The following SNTB2 variants were observed in gnomAD, a reference collection of about 807,000 sequenced individuals.
SNTB2 encodes the protein beta-2-syntrophin.
Under a neutral mutation model 46.2 loss-of-function variants are expected in SNTB2, and 34 were observed. The ratio of observed to expected loss-of-function variants is 0.74; its 90% CI spans 0.56 to 0.98. The LOEUF (loss-of-function observed/expected upper bound fraction) is 0.98, where lower values mean the gene tolerates loss of function less well. Among genes scored for constraint, SNTB2 ranks in the 50% least tolerant of loss-of-function variants. The pLI is 0.00. For synonymous variants in SNTB2, 290 were observed against 312.6 expected (o/e 0.93, Z 0.76); for missense variants, 603 against 731.4 (o/e 0.82, Z 2.02).
chr16:69,276,666 C>G (rs151225647), intron 4 of SNTB2, among the ~76,000 whole-genome samples: 1 of 152,262 alleles, frequency 6.6e-6, no homozygotes, highest in East Asian at 1.9e-4. Flanking sequence ...TCATGGACCT[C>G]TGCGGATCCC....
Position 69,200,324 on chromosome 16 carries a change from A to G in SNTB2, c.580+12578A>G, listed in dbSNP as rs988710815. Among the ~76,000 whole-genome samples, 7 of 152,184 alleles carry G rather than the reference A, an allele frequency of 4.6e-5. No homozygotes were observed. In the East Asian group the frequency reaches 7.7e-4, roughly 17 times the overall value. On this transcript the variant is annotated intron_variant, in intron 1 of 6. Transcript: ENST00000336278. Reference sequence around the variant, plus strand: ...TTTCTTTTACAGAAATGTAATACCTATTTCTTAGCATCAGCACGCTAGTAT... The same window carrying G: ...TTTCTTTTACAGAAATGTAATACCTGTTTCTTAGCATCAGCACGCTAGTAT...
At chr16:69,207,348 G>A (rs879844208) in intron 1 of SNTB2, among the ~76,000 whole-genome samples, 6 of 151,090 alleles carry the variant, frequency 4.0e-5, no homozygotes, top group Admixed American at 1.3e-4. Context: ...TAGAGATGGC[G>A]TTTCACTATA....
At chr16:69,198,719 T>C (rs1325942088) in intron 1 of SNTB2, among the ~76,000 whole-genome samples, 1 of 152,170 alleles carries the variant, frequency 6.6e-6, no homozygotes, top group Non-Finnish European at 1.5e-5. Flanking sequence ...GTTAACTTTG[T>C]GTGACCTTGG....
At chr16:69,187,773 G>GGGGGGGGGGGGGGGGGC in intron 1 of SNTB2, 27 bp downstream of exon 1, 1 of 331,856 alleles carries the variant, frequency 3.0e-6, no homozygotes, top group Non-Finnish European at 5.5e-6. Flanking sequence ...GGGAGGGTGG[G>GGGGGGGGGGGGGGGGGC]CAGGCCGCGG....
At chr16:69,255,485 G>C (rs187739691) in intron 2 of SNTB2, among the ~76,000 whole-genome samples, 149 of 151,820 alleles carry the variant, frequency 9.8e-4, no homozygotes, top group African/African-American at 3.1e-3. Context: ...GCGTGAACCT[G>C]GGAGGCGGAG....
chr16:69,292,948 A>G (rs931654294), intron 5 of SNTB2, among the ~76,000 whole-genome samples: 1 of 152,112 alleles, frequency 6.6e-6, no homozygotes, highest in Non-Finnish European at 1.5e-5. Flanking sequence ...GAATCTGAGA[A>G]GTAGTAGTCA....
intron 1 of SNTB2, among the ~76,000 whole-genome samples, chr16:69,203,753 G>A (rs1964188283): frequency 6.6e-6 from 1 of 151,938 alleles, no homozygotes; most frequent in South Asian, 2.1e-4. Flanking sequence ...TCCATTGCTT[G>A]TTTATTAATA....
intron 5 of SNTB2, among the ~76,000 whole-genome samples, chr16:69,294,973 C>T (rs1965208607): frequency 6.6e-6 from 1 of 151,946 alleles, no homozygotes; most frequent in South Asian, 2.1e-4. Context: ...CACACACTGC[C>T]ATGCCTGGCT....
At chr16:69,224,710 C>T (rs961319134) in intron 1 of SNTB2, among the ~76,000 whole-genome samples, 1 of 152,128 alleles carries the variant, frequency 6.6e-6, no homozygotes, top group African/African-American at 2.4e-5. Context: ...AAAGAGCTGG[C>T]CCTTCTCCTC....
intron 1 of SNTB2, among the ~76,000 whole-genome samples, chr16:69,239,968 T>G (rs976065384): frequency 6.6e-6 from 1 of 152,216 alleles, no homozygotes; most frequent in Non-Finnish European, 1.5e-5. Context: ...AGTTTGTTCC[T>G]TTTTATTTCT....
chr16:69,225,164 G>A (rs1295341643), intron 1 of SNTB2, among the ~76,000 whole-genome samples: 1 of 152,184 alleles, frequency 6.6e-6, no homozygotes, highest in Non-Finnish European at 1.5e-5. Flanking sequence ...AAAGAGAAAA[G>A]AAAATTACCA....
chr16:69,259,932 A>G (rs1367139860), intron 2 of SNTB2, 118 bp from the exon 3 acceptor site: 4 of 815,496 alleles, frequency 4.9e-6, no homozygotes, highest in Non-Finnish European at 8.2e-6. Context: ...TTATTTGAGT[A>G]TACAAATTTA....
At chr16:69,232,661 G>A (rs930367267) in intron 1 of SNTB2, among the ~76,000 whole-genome samples, 37 of 151,122 alleles carry the variant, frequency 2.4e-4, no homozygotes, top group Non-Finnish European at 2.9e-4. Context: ...ACAGGCGTGC[G>A]CCAACACACC....
At chr16:69,247,924 C>G (rs915560521) in intron 2 of SNTB2, among the ~76,000 whole-genome samples, 1 of 152,072 alleles carries the variant, frequency 6.6e-6, no homozygotes, top group Non-Finnish European at 1.5e-5. Flanking sequence ...TTAAGACCAA[C>G]TTGGGCAACA....
At chr16:69,256,918 C>A (rs1435411758) in intron 2 of SNTB2, among the ~76,000 whole-genome samples, 1 of 152,150 alleles carries the variant, frequency 6.6e-6, no homozygotes, top group East Asian at 1.9e-4. Context: ...GCCTGTAATA[C>A]CAGCACTTTG....
intron 1 of SNTB2, among the ~76,000 whole-genome samples, chr16:69,230,717 A>G (rs1049245306): frequency 2.0e-5 from 3 of 151,106 alleles, no homozygotes; most frequent in African/African-American, 4.9e-5. Context: ...TAAAAGGAAT[A>G]TAAATTATTC....
intron 5 of SNTB2, among the ~76,000 whole-genome samples, chr16:69,289,546 A>G (rs754546966): frequency 3.9e-5 from 6 of 152,226 alleles, no homozygotes; most frequent in Non-Finnish European, 5.9e-5. Context: ...GATACCCTAA[A>G]TCCCTTGACT....
intron 3 of SNTB2, among the ~76,000 whole-genome samples, chr16:69,264,012 TGGTC>T (rs1299740619): frequency 6.6e-6 from 1 of 151,656 alleles, no homozygotes; most frequent in East Asian, 1.9e-4. Context: ...TTACCTAGGC[TGGTC>T]TTGAATTCCT....
chr16:69,226,014 C>T (rs1000715544), intron 1 of SNTB2, among the ~76,000 whole-genome samples: 23 of 151,782 alleles, frequency 1.5e-4, no homozygotes, highest in Admixed American at 1.2e-3. Context: ...GTGATCTGCC[C>T]GCCTCGGCCT....
Sources: gnomAD v4.1 joint callset for allele counts (sites outside exome capture counted in the v4.1 genomes callset) on GRCh38, gnomAD v4.1.1 for gene constraint, MANE v1.5 for transcripts, NCBI Gene and HGNC (gene_info 2026-07-23, HGNC 2026-07-21) for gene names.